MMP26: variants seen among roughly 807,000 people sequenced by gnomAD.
The protein encoded by MMP26 is matrix metallopeptidase 26, also known as matrix metalloproteinase-26.
A neutral mutation model predicts 31.0 loss-of-function variants in MMP26; 33 were observed. The ratio of observed to expected loss-of-function variants is 1.06; its 90% CI spans 0.81 to 1.42. The LOEUF (loss-of-function observed/expected upper bound fraction) is 1.42. Among genes scored for constraint, MMP26 ranks in the 40% most tolerant of loss-of-function variants. The pLI is 0.00. For missense variants in MMP26, 347 were observed against 316.1 expected (o/e 1.10, Z -0.74); for synonymous variants, 122 against 114.9 (o/e 1.06, Z -0.40).
intron 2 of MMP26, chr11:4,924,418 C>G (rs1851239723): frequency 1.4e-6 from 2 of 1,408,074 alleles, no homozygotes; most frequent in South Asian, 2.8e-5. Context: ...TTCTCACTCA[C>G]CTAAATGTCC....
chr11:4,882,275 G>A (rs749445041), intron 2 of MMP26: 36 of 1,613,706 alleles, frequency 2.2e-5, no homozygotes, highest in African/African-American at 4.0e-5. Flanking sequence ...TGACCGCTTC[G>A]TGGCTATCTG....
chr11:4,782,165 T>A (rs558323972), intron 2 of MMP26, among the ~76,000 whole-genome samples: 8 of 152,262 alleles, frequency 5.3e-5, no homozygotes, highest in African/African-American at 1.9e-4. Context: ...TCGAACAGTT[T>A]GAGGGCTCAG....
intron 1 of MMP26, among the ~76,000 whole-genome samples, chr11:4,754,092 A>C (rs1848478307): frequency 6.9e-6 from 1 of 145,166 alleles, no homozygotes; most frequent in Admixed American, 7.0e-5. Context: ...AACCTAAAAG[A>C]GAGATTTTTT....
intron 2 of MMP26, among the ~76,000 whole-genome samples, chr11:4,855,926 T>A (rs1291229777): frequency 6.6e-6 from 1 of 152,166 alleles, no homozygotes; most frequent in Non-Finnish European, 1.5e-5. Context: ...TTCAACATTC[T>A]TAAAGAAAAG....
intron 2 of MMP26, among the ~76,000 whole-genome samples, chr11:4,801,546 T>G (rs7933423): frequency 0.3 from 44,638 of 148,452 alleles, 7,311 homozygotes; most frequent in Middle Eastern, 0.42. Context: ...ATTTATTTAT[T>G]TATTTATTTA....
intron 2 of MMP26, among the ~76,000 whole-genome samples, chr11:4,896,231 A>G (rs1344321412): frequency 6.6e-6 from 1 of 152,120 alleles, no homozygotes; most frequent in Non-Finnish European, 1.5e-5. Context: ...TTTACTTACC[A>G]TTTAATTACA....
At chr11:4,913,610 C>T (rs1016507600) in intron 2 of MMP26, 1 of 152,142 alleles carries the variant, frequency 6.6e-6, no homozygotes, top group East Asian at 1.9e-4. Context: ...AACAAACTAT[C>T]CTTGGTTCCT....
At chr11:4,820,645 C>T (rs144512331) in intron 2 of MMP26, among the ~76,000 whole-genome samples, 3 of 152,066 alleles carry the variant, frequency 2.0e-5, no homozygotes, top group Admixed American at 2.0e-4. Context: ...TCTTCTCCTC[C>T]TCCTCTGTCA....
Position 4,764,874 on chromosome 11 carries a change from T to TCACACA in MMP26, c.-216-2392_-216-2391insCACACA, listed in dbSNP as rs149703459. Among the ~76,000 whole-genome samples the TCACACA allele has an allele frequency of 8.7e-3, 1,321 of 151,402 alleles. 25 individuals carry two copies. Among genetic ancestry groups the TCACACA allele is most frequent in the African/African-American group, 0.03 (1,210 of 41,016 alleles). On this transcript the variant is annotated intron_variant, in intron 1 of 7. Coordinates refer to ENST00000380390, the MANE Select transcript of MMP26 (RefSeq NM_021801.5). ...GCCTGGGTGACAGAGCGAGACTCCA[T>TCACACA]CACAGACACACACACACACACACAC... is the stretch of plus-strand genomic sequence containing the variant.
chr11:4,715,593 T>A (rs960328824), intron 1 of MMP26, among the ~76,000 whole-genome samples: 29 of 152,166 alleles, frequency 1.9e-4, no homozygotes, highest in Middle Eastern at 6.8e-3. Context: ...AAAGCCCAGG[T>A]GGAGTATATA....
intron 2 of MMP26, chr11:4,803,422 T>G: frequency 3.9e-6 from 6 of 1,556,076 alleles, no homozygotes; most frequent in Non-Finnish European, 5.3e-6. Context: ...GGGGATACAC[T>G]GACCCTTTGC....
At chr11:4,785,409 A>G (rs1848927072) in intron 2 of MMP26, among the ~76,000 whole-genome samples, 1 of 152,178 alleles carries the variant, frequency 6.6e-6, no homozygotes, top group Admixed American at 6.5e-5. Context: ...CAGATAATTA[A>G]TGACTATTCC....
chr11:4,773,195 C>G (rs1406469379), intron 2 of MMP26, among the ~76,000 whole-genome samples: 2 of 152,158 alleles, frequency 1.3e-5, no homozygotes, highest in African/African-American at 4.8e-5. Flanking sequence ...CCATGTTTAT[C>G]CTCTGCTGTT....
intron 2 of MMP26, among the ~76,000 whole-genome samples, chr11:4,935,788 A>G (rs994637656): frequency 3.1e-3 from 453 of 148,100 alleles, no homozygotes; most frequent in Non-Finnish European, 4.2e-3. Flanking sequence ...TAGCATGAAG[A>G]GTTGTTGAAT....
At chr11:4,846,156 A>G (rs1398767603) in intron 2 of MMP26, among the ~76,000 whole-genome samples, 1 of 152,196 alleles carries the variant, frequency 6.6e-6, no homozygotes, top group African/African-American at 2.4e-5. Flanking sequence ...CAACCTAAGC[A>G]TTCATCAACA....
chr11:4,978,214 T>G (rs555328830), intron 2 of MMP26, among the ~76,000 whole-genome samples: 1 of 152,212 alleles, frequency 6.6e-6, no homozygotes, highest in Admixed American at 6.5e-5. Flanking sequence ...CTTTCGTTTA[T>G]AAATTAATCA....
At chr11:4,771,518 A>G (rs550823955) in intron 2 of MMP26, among the ~76,000 whole-genome samples, 5 of 152,230 alleles carry the variant, frequency 3.3e-5, no homozygotes, top group Non-Finnish European at 7.3e-5. Flanking sequence ...GAAATGCTAT[A>G]TCGCCTCTTT....
At chr11:4,713,829 A>T (rs1425819425) in intron 1 of MMP26, among the ~76,000 whole-genome samples, 4 of 152,094 alleles carry the variant, frequency 2.6e-5, no homozygotes, top group South Asian at 2.1e-4. Flanking sequence ...GTTACTCACA[A>T]ATTTACTTTT....
chr11:4,802,805 T>A (rs2133453166), intron 2 of MMP26, among the ~76,000 whole-genome samples: 1 of 152,310 alleles, frequency 6.6e-6, no homozygotes, highest in African/African-American at 2.4e-5. Context: ...ATAGTTTTTC[T>A]TTTCAATTTA....
Sources: gnomAD v4.1 joint callset for allele counts (sites outside exome capture counted in the v4.1 genomes callset) on GRCh38, gnomAD v4.1.1 for gene constraint, MANE v1.5 for transcripts, NCBI Gene and HGNC (gene_info 2026-07-23, HGNC 2026-07-21) for gene names.